The following IFIT3 variants were observed in gnomAD, a reference collection of about 807,000 sequenced individuals.
IFIT3 encodes the protein interferon-induced protein with tetratricopeptide repeats 3.
In IFIT3, 2 loss-of-function variants were observed where a neutral mutation model predicts 2.4. The observed-to-expected ratio is 0.82, with a 90% CI of 0.34 to 2.60. The LOEUF (loss-of-function observed/expected upper bound fraction) is 2.60. IFIT3 is among the 30% of genes most tolerant of loss of function. The probability of loss-of-function intolerance (pLI) is 0.11; values close to 1 mark genes in which losing one functional copy is unlikely to be tolerated. For missense variants in IFIT3, 481 were observed against 562.4 expected, an observed-to-expected ratio of 0.86 and a Z score of 1.46; for synonymous variants, 203 against 212.1, an observed-to-expected ratio of 0.96 and a Z score of 0.37.
At chr10:89,332,550 G>A in intron 1 of IFIT3, 2 of 1,613,664 alleles carry the variant, frequency 1.2e-6, no homozygotes, top group Non-Finnish European at 1.7e-6. Flanking sequence ...TTCAGCATTT[G>A]CTTGGAATCA....
chr10:89,330,762 A>C (rs951153050), intron 1 of IFIT3, among the ~76,000 whole-genome samples: 4 of 152,124 alleles, frequency 2.6e-5, no homozygotes, highest in Non-Finnish European at 5.9e-5. Context: ...AAGATGCCTG[A>C]TAATGCTGCT....
Position 89,339,158 on chromosome 10 carries a change from A to G in IFIT3, c.503A>G (p.Asn168Ser), listed in dbSNP as rs1843802546. Residue 168 changes from asparagine to serine, a missense_variant, in exon 2 of 2, where the codon AAC becomes AGC. Asn to Ser is a conservative substitution (Grantham distance 46). Transcript: ENST00000371818. The part of the protein sequence containing the change: ...CFEKALEEKP[N>S]NPEFSSGLAI... Reference sequence around the variant, plus strand: ...GAGAAGGCTCTGGAAGAAAAGCCCAACAACCCAGAATTCTCCTCTGGACTG... The same window carrying G: ...GAGAAGGCTCTGGAAGAAAAGCCCAGCAACCCAGAATTCTCCTCTGGACTG... 1 of 1,614,178 alleles carries G rather than the reference A, an allele frequency of 6.2e-7. No homozygotes were observed. The highest frequency in any genetic ancestry group is 1.7e-5 in the Admixed American group (1 of 60,022).
Position 89,329,511 on chromosome 10 carries a change from TC to T in IFIT3, c.5+1435del, listed in dbSNP as rs1266923297. Among the ~76,000 whole-genome samples, 7 of 152,146 alleles carry T rather than the reference TC, an allele frequency of 4.6e-5. No homozygotes were observed. The East Asian group carries it at 1.4e-3, about 29-fold the overall frequency. ...TGGACTCAGGTTCACATCAAGGTGC[TC>T]CTATTTCCAGAGGCTATAGGAACAG... On this transcript the variant is annotated intron_variant, in intron 1 of 1. Transcript: ENST00000371818.
chr10:89,334,600 A>G (rs1385248154), intron 1 of IFIT3, among the ~76,000 whole-genome samples: 1 of 71,382 alleles, frequency 1.4e-5, no homozygotes, highest in Non-Finnish European at 2.1e-5. Context: ...GTTTCAAGCA[A>G]TTCTGCCTCG....
At chr10:89,328,134 G>A in intron 1 of IFIT3, 56 bp downstream of exon 1, 1 of 1,563,590 alleles carries the variant, frequency 6.4e-7, no homozygotes, top group Non-Finnish European at 8.8e-7. Flanking sequence ...ATTGTAAGTT[G>A]AGTTTCTTAC....
intron 1 of IFIT3, among the ~76,000 whole-genome samples, chr10:89,332,826 A>ATGGGAGC (rs944362911): frequency 6.6e-6 from 1 of 151,892 alleles, no homozygotes; most frequent in Non-Finnish European, 1.5e-5. Context: ...ACACAGGGAA[A>ATGGGAGC]TGGGAGCTGG....
intron 1 of IFIT3, among the ~76,000 whole-genome samples, chr10:89,333,333 A>C (rs1843678755): frequency 6.6e-6 from 1 of 152,204 alleles, no homozygotes; most frequent in South Asian, 2.1e-4. Context: ...ATTGAGTAAA[A>C]CAGAAATAAG....
chr10:89,334,519 G>A (rs1177738205), intron 1 of IFIT3, among the ~76,000 whole-genome samples: 2 of 37,408 alleles, frequency 5.3e-5, no homozygotes, highest in African/African-American at 1.5e-4. Flanking sequence ...TTTTTGAGAC[G>A]GAGTTTTGCT....
In IFIT3 at chr10:89,340,101, C is replaced by G. The variant is rs1249963513; in HGVS notation, c.1446C>G (p.Leu482=). 6.2e-7 allele frequency: 1 copy of G among 1,607,396 alleles called. No individual in the cohort carries two copies. The highest frequency in any genetic ancestry group is 1.3e-5 in the African/African-American group (1 of 74,812). The stretch of plus-strand genomic sequence containing the variant: ...CAGTCAGCTCCAGTCCCAGAGAGCT[C>G]CTCTCTAACTCAGAGCAACTGAACT... The part of the protein sequence containing the change: ...QGAVSSSPRE[L]LSNSEQLN Residue 482 remains leucine, a synonymous_variant, in exon 2 of 2, where the codon CTC becomes CTG. Transcript: ENST00000371818.
At chr10:89,336,912 C>G (rs1245157910) in intron 1 of IFIT3, among the ~76,000 whole-genome samples, 7 of 152,190 alleles carry the variant, frequency 4.6e-5, no homozygotes, top group African/African-American at 1.4e-4. Flanking sequence ...AAGCCCCAGG[C>G]AAATGTAGAT....
chr10:89,328,437 A>G (rs1331045566), intron 1 of IFIT3, among the ~76,000 whole-genome samples: 1 of 152,148 alleles, frequency 6.6e-6, no homozygotes, highest in African/African-American at 2.4e-5. Flanking sequence ...TCAAGGGTAG[A>G]CCTAAGGGAA....
intron 1 of IFIT3, among the ~76,000 whole-genome samples, chr10:89,336,962 C>T (rs937584923): frequency 2.4e-4 from 37 of 152,312 alleles, no homozygotes; most frequent in African/African-American, 8.4e-4. Flanking sequence ...ATTTATCCAG[C>T]TAAATAAGGC....
chr10:89,338,831 A>G lies in IFIT3; in HGVS notation c.176A>G (p.Tyr59Cys), dbSNP rs372986222. The stretch of plus-strand genomic sequence containing the variant: ...GCTACAATGTACAACTTGTTGGCCT[A>G]CATAAAACACCTAGATGGTAACAAC... ...FKATMYNLLA[Y>C]IKHLDGNNEA... Residue 59 changes from tyrosine (Y) to cysteine (C), a missense_variant, in exon 2 of 2, where the codon TAC becomes TGC. Coordinates refer to ENST00000371818, the MANE Select transcript of IFIT3 (RefSeq NM_001549.6). The G allele has an allele frequency of 6.2e-7, 1 of 1,614,200 alleles. No individual in the cohort carries two copies. Among genetic ancestry groups the G allele is most frequent in the Non-Finnish European group, 8.5e-7 (1 of 1,180,010 alleles).
In IFIT3 at chr10:89,339,662, C is replaced by G. The variant is rs750463832; in HGVS notation, c.1007C>G (p.Ala336Gly). ...LNPLNAYSDLAEFLETECYQT... is the reference protein window; with the variant it reads ...LNPLNAYSDLGEFLETECYQT... Reference sequence around the variant, plus strand: ...CCTCTGAATGCATACTCCGATCTCGCTGAGTTCCTGGAGACGGAATGTTAT... The same window carrying G: ...CCTCTGAATGCATACTCCGATCTCGGTGAGTTCCTGGAGACGGAATGTTAT... The change falls in exon 2 of 2, where the codon GCT becomes GGT. Residue 336 changes from alanine (A) to glycine (G), a missense_variant. Ala to Gly is a moderately conservative substitution (Grantham distance 60). Transcript: ENST00000371818. The G allele has an allele frequency of 1.4e-5, 23 of 1,614,212 alleles. No individual in the cohort carries two copies. The highest frequency in any genetic ancestry group is 1.9e-5 in the Non-Finnish European group (23 of 1,180,018).
chr10:89,337,995 G>A (rs1371615967), intron 1 of IFIT3, among the ~76,000 whole-genome samples: 1 of 152,182 alleles, frequency 6.6e-6, no homozygotes, highest in African/African-American at 2.4e-5. Context: ...CTTTGTGTTA[G>A]GTGACTTTGC....
intron 1 of IFIT3, 91 bp downstream of exon 1, chr10:89,328,169 C>A (rs965823920): frequency 7.3e-6 from 9 of 1,238,392 alleles, no homozygotes; most frequent in African/African-American, 4.5e-5. Context: ...CCTGAATTGT[C>A]CTGATGTTTA....
Position 89,339,101 on chromosome 10 carries a change from G to C in IFIT3, c.446G>C (p.Cys149Ser). 1 of 1,614,074 alleles carries C rather than the reference G, an allele frequency of 6.2e-7. No individual in the cohort carries two copies. Among genetic ancestry groups the C allele is most frequent in the Non-Finnish European group, 8.5e-7 (1 of 1,180,016 alleles). The change falls in exon 2 of 2, where the codon TGT (cysteine) becomes TCT (serine). Residue 149 changes from cysteine to serine, a missense_variant. Physicochemically the swap from Cys to Ser is moderately radical, Grantham distance 112. Transcript: ENST00000371818. ...GAGGAAGGGTGGACACAACTGAAGT[G>C]TGGAAGAAATGAAAGGGCGAAGGTG... Reference protein sequence around the residue: ...DCEEGWTQLKCGRNERAKVCF... With the variant: ...DCEEGWTQLKSGRNERAKVCF...
At position 89,339,961 on chromosome 10, in the gene IFIT3, A is replaced by G; in HGVS notation, c.1306A>G (p.Lys436Glu). The change falls in exon 2 of 2, where the codon AAA becomes GAA. Residue 436 changes from lysine to glutamate, a missense_variant. Physicochemically the swap from Lys to Glu is moderately conservative, Grantham distance 56 (BLOSUM62 1). Transcript: ENST00000371818. ...KQNGDLLQAAKCYEKELGRLL... is the reference protein window; with the variant it reads ...KQNGDLLQAAECYEKELGRLL... ...GAATGGAGATCTGCTGCAAGCAGCC[A>G]AATGTTATGAGAAGGAACTGGGCCG... 6.2e-7 allele frequency: 1 copy of G among 1,614,210 alleles called. No homozygotes were observed. Among genetic ancestry groups the G allele is most frequent in the Non-Finnish European group, 8.5e-7 (1 of 1,180,026 alleles).
rs1214610534 is a variant in IFIT3, at chr10:89,340,790, T to C, written c.*662T>C. 6.6e-6 allele frequency: 1 copy of C among 152,200 alleles called. No homozygotes were observed. The highest frequency in any genetic ancestry group is 1.5e-5 in the Non-Finnish European group (1 of 68,036). The allele number at this position is 152,200 out of a possible 1,614,324, so 9.4% of individuals were successfully genotyped here. A position where few individuals can be genotyped will look rare whatever the true frequency, so the allele number is the denominator to read the frequency against. ...CCTAACAACAAAATTTGCAGTCTCA[T>C]CTCATTTTCATCCAGACTTCTGGAA... On this transcript the variant is annotated 3_prime_UTR_variant, in exon 2 of 2. Transcript: ENST00000371818.
Sources: gnomAD v4.1 joint callset for allele counts (sites outside exome capture counted in the v4.1 genomes callset) on GRCh38, gnomAD v4.1.1 for gene constraint, MANE v1.5 for transcripts, NCBI Gene and HGNC (gene_info 2026-07-23, HGNC 2026-07-21) for gene names.